Variants in MTPAP observed in about 807,000 individuals in gnomAD.
MTPAP encodes mitochondrial poly(A) polymerase.
MTPAP carries 23 observed loss-of-function variants against 48.7 expected under a neutral mutation model. The observed-to-expected ratio is 0.47, with a 90% confidence interval of 0.34 to 0.67. The LOEUF (loss-of-function observed/expected upper bound fraction) is 0.67. Ranked by LOEUF, MTPAP falls within the 30% of genes least tolerant of loss-of-function variation. The pLI, the probability that MTPAP is intolerant of heterozygous loss-of-function variation, is 0.01. For missense variants in MTPAP, 614 were observed against 694.3 expected (o/e 0.88, Z 1.30); for synonymous variants, 257 against 254.1 (o/e 1.01, Z -0.11).
chr10:30,346,857 C>A (rs577656133), intron 1 of MTPAP, among the ~76,000 whole-genome samples: 1 of 152,114 alleles, frequency 6.6e-6, no homozygotes, highest in Non-Finnish European at 1.5e-5. Flanking sequence ...TGTGATCAAT[C>A]GGAAGCCGCA....
chr10:30,314,369 C>T (rs955473318), intron 8 of MTPAP, among the ~76,000 whole-genome samples: 2 of 151,954 alleles, frequency 1.3e-5, no homozygotes, highest in African/African-American at 2.4e-5. Context: ...GATGAAGATA[C>T]GTTTATTTCT....
In MTPAP at chr10:30,343,998, G is replaced by C. The variant is rs76410716; in HGVS notation, c.158-2358C>G. Among the ~76,000 whole-genome samples, 756 of 152,118 alleles carry C rather than the reference G, an allele frequency of 5.0e-3. 3 individuals carry two copies. The highest frequency in any genetic ancestry group is 8.4e-3 in the Non-Finnish European group (571 of 67,976). On this transcript the variant is annotated intron_variant, in intron 1 of 8. Coordinates refer to ENST00000263063, the MANE Select transcript of MTPAP (RefSeq NM_018109.4). Reference sequence around the variant, plus strand: ...AACTAGTCTCATTCACCCTAGTTTTGTTTTTCTCAAGCTATCCTCCACATA... The same window carrying C: ...AACTAGTCTCATTCACCCTAGTTTTCTTTTTCTCAAGCTATCCTCCACATA...
At chr10:30,314,563 A>G (rs1840637560) in intron 8 of MTPAP, among the ~76,000 whole-genome samples, 1 of 152,164 alleles carries the variant, frequency 6.6e-6, no homozygotes, top group Admixed American at 6.5e-5. Flanking sequence ...TAGATCCAAC[A>G]AAAGGGCTCT....
At chr10:30,326,056 T>C (rs1308886628) in intron 5 of MTPAP, among the ~76,000 whole-genome samples, 1 of 152,252 alleles carries the variant, frequency 6.6e-6, no homozygotes, top group East Asian at 1.9e-4. Context: ...GTACTATAAA[T>C]AGGCATCTTT....
At chr10:30,342,475 T>C (rs1195991520) in intron 1 of MTPAP, among the ~76,000 whole-genome samples, 2 of 149,698 alleles carry the variant, frequency 1.3e-5, no homozygotes, top group African/African-American at 4.9e-5. Flanking sequence ...ATGACTACTA[T>C]TAAAACTGCC....
At position 30,340,380 on chromosome 10, in the gene MTPAP, G is replaced by C. The variant is rs1158450673; in HGVS notation, c.401C>G (p.Pro134Arg). The C allele has an allele frequency of 6.2e-7, 1 of 1,614,118 alleles. No homozygotes were observed. The highest frequency in any genetic ancestry group is 1.3e-5 in the African/African-American group (1 of 75,040). The change falls in exon 3 of 9, where the codon CCA (proline) becomes CGA (arginine). Residue 134 changes from proline (P) to arginine (R), a missense_variant. Pro to Arg is a moderately radical substitution (Grantham distance 103). This residue lies in a region of MTPAP where 114 missense variants were observed against 107.9 expected (regional missense o/e 1.06). Coordinates refer to ENST00000263063, the MANE Select transcript of MTPAP (RefSeq NM_018109.4). The part of the protein sequence containing the change: ...IGSLQNGTHT[P>R]STAMETAIPF... ...AATTGCAGTCTCCATGGCCGTGCTT[G>C]GAGTATGAGTCCCATTCTGCAGTGA...
At chr10:30,320,459 C>G (rs1456833647) in intron 6 of MTPAP, among the ~76,000 whole-genome samples, 1 of 152,022 alleles carries the variant, frequency 6.6e-6, no homozygotes, top group Non-Finnish European at 1.5e-5. Context: ...GAGGTCGAGG[C>G]TATAGTGAGC....
rs189960323 is a variant in MTPAP, at chr10:30,329,974, A to G, written c.781-3339T>C. On this transcript the variant is annotated intron_variant, in intron 4 of 8. Coordinates refer to ENST00000263063, the MANE Select transcript of MTPAP (RefSeq NM_018109.4). ...TATGTTCTGGGTTTTTTCTTTTAAA[A>G]AAAAAAGCTTTTCTATACGCACAGG... is the stretch of plus-strand genomic sequence containing the variant. Among the ~76,000 whole-genome samples, 1,480 of 152,180 alleles carry G rather than the reference A, an allele frequency of 9.7e-3. 26 individuals are homozygous for G. The highest frequency in any genetic ancestry group is 0.033 in the African/African-American group (1,378 of 41,512).
Position 30,313,779 on chromosome 10 carries a change from G to A in MTPAP, c.1579C>T (p.Leu527=). The part of the protein sequence containing the change: ...PSISSNRPWG[L]VSLLLPSAPN... ...GCAGATGGTAGCAATAGGGATACCA[G>A]CCCCCAGGGCCGATTACTTGATATG... The change falls in exon 9 of 9, where the codon CTG becomes TTG. Residue 527 remains leucine, a synonymous_variant. Transcript: ENST00000263063. 6.2e-7 allele frequency: 1 copy of A among 1,614,052 alleles called. No homozygotes were observed. The highest frequency in any genetic ancestry group is 1.1e-5 in the South Asian group (1 of 91,082).
chr10:30,332,033 G>A (rs1337862426), intron 4 of MTPAP, among the ~76,000 whole-genome samples: 8 of 152,214 alleles, frequency 5.3e-5, no homozygotes, highest in Admixed American at 4.6e-4. Context: ...ATAAAGCAAG[G>A]TGTAGTGTGA....
intron 3 of MTPAP, among the ~76,000 whole-genome samples, chr10:30,339,041 T>C (rs960744807): frequency 6.6e-6 from 1 of 152,030 alleles, no homozygotes; most frequent in African/African-American, 2.4e-5. Flanking sequence ...GAGAATGGCG[T>C]GAACCCAGGA....
intron 3 of MTPAP, among the ~76,000 whole-genome samples, chr10:30,337,937 G>GT (rs749432371): frequency 6.6e-6 from 1 of 152,018 alleles, no homozygotes; most frequent in South Asian, 2.1e-4. Flanking sequence ...AAAAAAAATC[G>GT]TAACTTCAAA....
chr10:30,348,258 T>C (rs1380967891), intron 1 of MTPAP, among the ~76,000 whole-genome samples: 1 of 152,230 alleles, frequency 6.6e-6, no homozygotes, highest in African/African-American at 2.4e-5. Context: ...AAGTCTTTTA[T>C]ACAGTCTGAT....
At chr10:30,338,659 G>A (rs1289189597) in intron 3 of MTPAP, among the ~76,000 whole-genome samples, 3 of 150,658 alleles carry the variant, frequency 2.0e-5, no homozygotes, top group African/African-American at 7.3e-5. Flanking sequence ...TGGGCAACAA[G>A]AGCAAAACTC....
intron 6 of MTPAP, among the ~76,000 whole-genome samples, chr10:30,317,328 T>A (rs1184529213): frequency 6.6e-6 from 1 of 152,216 alleles, no homozygotes; most frequent in Non-Finnish European, 1.5e-5. Context: ...TCCATTCTTA[T>A]CATCTTCATA....
At chr10:30,329,453 C>T (rs562558167) in intron 4 of MTPAP, among the ~76,000 whole-genome samples, 159 of 152,118 alleles carry the variant, frequency 1.0e-3, no homozygotes, top group African/African-American at 3.7e-3. Flanking sequence ...AGGCTGGTCT[C>T]GAACTCCTGA....
At chr10:30,337,465 G>C (rs900599761) in intron 3 of MTPAP, among the ~76,000 whole-genome samples, 1 of 152,096 alleles carries the variant, frequency 6.6e-6, no homozygotes. Context: ...AAGGCCAGGC[G>C]CGGTGGCTCA....
chr10:30,338,039 C>G (rs191772165), intron 3 of MTPAP, among the ~76,000 whole-genome samples: 1 of 152,152 alleles, frequency 6.6e-6, no homozygotes, highest in African/African-American at 2.4e-5. Context: ...GCGGGAGGAT[C>G]GCTTGAGCTC....
intron 1 of MTPAP, among the ~76,000 whole-genome samples, chr10:30,341,968 G>A (rs1834813883): frequency 6.6e-6 from 1 of 152,188 alleles, no homozygotes; most frequent in African/African-American, 2.4e-5. Context: ...GCCGGGCTTG[G>A]TGGCTCATGC....
Sources: gnomAD v4.1 joint callset for allele counts (sites outside exome capture counted in the v4.1 genomes callset) on GRCh38, gnomAD v4.1.1 for gene constraint, gnomAD v4.1.1 regional missense constraint, MANE v1.5 for transcripts, NCBI Gene and HGNC (gene_info 2026-07-23, HGNC 2026-07-21) for gene names.